Variants in PLPP7 observed in about 807,000 individuals in gnomAD.
PLPP7 encodes phospholipid phosphatase 7 (inactive), also known as inactive phospholipid phosphatase 7.
A neutral mutation model predicts 16.9 loss-of-function variants in PLPP7; 11 were observed. That is an observed-to-expected ratio of 0.65 (90% CI 0.41 to 1.08). PLPP7 has a LOEUF of 1.08. Ranked by LOEUF, PLPP7 falls within the 50% of genes least tolerant of loss-of-function variation. The probability of loss-of-function intolerance (pLI) is 0.00; values close to 1 mark genes in which losing one functional copy is unlikely to be tolerated. For missense variants in PLPP7, 358 were observed against 397.1 expected, an observed-to-expected ratio of 0.90 and a Z score of 0.84; for synonymous variants, 174 against 175.1, an observed-to-expected ratio of 0.99 and a Z score of 0.05.
chr9:131,290,104 G>A lies in PLPP7; in HGVS notation c.107G>A (p.Arg36His), dbSNP rs754595818. 13 of 1,525,602 alleles carry A rather than the reference G, an allele frequency of 8.5e-6. No individual in the cohort carries two copies. The highest frequency in any genetic ancestry group is 1.8e-4 in the Middle Eastern group (1 of 5,680). 94.5% of individuals were successfully genotyped at this position (1,525,602 alleles called of 1,614,324 possible). ...NQPPKGGPEP[R>H]SSGRKASGPS... The stretch of plus-strand genomic sequence containing the variant: ...CCCCCCAAGGGGGGCCCGGAGCCCC[G>A]CAGCTCGGGCAGAAAGGCCTCGGGC... Residue 36 changes from arginine (R) to histidine (H), a missense_variant, in exon 1 of 2, where the codon CGC (arginine) becomes CAC (histidine). Arg to His is a conservative substitution (Grantham distance 29, BLOSUM62 0). Transcript: ENST00000372264. The surrounding 1 kb of genome is among the most constrained non-coding windows in gnomAD (Gnocchi z 4.2).
Position 131,290,242 on chromosome 9 carries a change from T to A in PLPP7, c.245T>A (p.Phe82Tyr). 6.2e-7 allele frequency: 1 copy of A among 1,611,074 alleles called. No homozygotes were observed. The highest frequency in any genetic ancestry group is 1.7e-4 in the Middle Eastern group (1 of 6,056). The change falls in exon 1 of 2, where the codon TTC becomes TAC. Residue 82 changes from phenylalanine (F) to tyrosine (Y), a missense_variant. Transcript: ENST00000372264. This position sits in a 1 kb window ranked among gnomAD's most constrained non-coding sequence, Gnocchi z 4.2. ...AACCCCTCCTTCAAGGGCATCGCCT[T>A]CAACTCCCTGCTGGCCATCGATATC... is the stretch of plus-strand genomic sequence containing the variant. ...QLNPSFKGIA[F>Y]NSLLAIDICM...
rs73545991 is a variant in PLPP7 at position 131,295,212 on chromosome 9, G to C, written c.451+4764G>C. On this transcript the variant is annotated intron_variant, in intron 1 of 1. Coordinates refer to ENST00000372264, the MANE Select transcript of PLPP7 (RefSeq NM_032728.4). This position sits in a 1 kb window ranked among gnomAD's most constrained non-coding sequence, Gnocchi z 4.0. ...TCTGTCACCCAGGCTGGACTGCAGT[G>C]CTGTGATCTTGGCTCACAGCAACCT... 0.018 allele frequency among the ~76,000 whole-genome samples: 2,726 copies of C among 151,738 alleles called. 61 individuals are homozygous for C. Among genetic ancestry groups the C allele is most frequent in the African/African-American group, 0.059 (2,449 of 41,378 alleles).
At chr9:131,294,315 T>A (rs1422703609) in intron 1 of PLPP7, among the ~76,000 whole-genome samples, 1 of 152,202 alleles carries the variant, frequency 6.6e-6, no homozygotes, top group Admixed American at 6.5e-5. Context: ...ATCTCCCTGA[T>A]GAATCACACA....
Position 131,290,461 on chromosome 9 carries a change from G to C in PLPP7, c.451+13G>C. ...AATCTGCTCCTGGGTGAGTGTGCCT[G>C]CCGCCCGCCACTCACTGTCAGGCCC... On this transcript the variant is annotated intron_variant, in intron 1 of 1. Transcript: ENST00000372264. This position sits in a 1 kb window ranked among gnomAD's most constrained non-coding sequence, Gnocchi z 4.2. 6.8e-7 allele frequency: 1 copy of C among 1,465,574 alleles called. No homozygotes were observed. Among genetic ancestry groups the C allele is most frequent in the Non-Finnish European group, 9.0e-7 (1 of 1,111,332 alleles). The allele number at this position is 1,465,574 out of a possible 1,614,324, so 90.8% of individuals were successfully genotyped here.
At chr9:131,307,551 C>CAAAAAAA (rs57469502) in intron 1 of PLPP7, among the ~76,000 whole-genome samples, 20 of 60,566 alleles carry the variant, frequency 3.3e-4, no homozygotes, top group African/African-American at 1.1e-3. Context: ...AACTCTGTCT[C>CAAAAAAA]AAAAAAAAAA....
At chr9:131,305,945 TA>T (rs751943577) in intron 1 of PLPP7, among the ~76,000 whole-genome samples, 3 of 148,032 alleles carry the variant, frequency 2.0e-5, no homozygotes, top group East Asian at 2.0e-4. Flanking sequence ...ATCCGTCTCT[TA>T]AAAAAAAAAC....
rs1215910850 is a variant in PLPP7, at chr9:131,290,467, C to T, written c.451+19C>T. On this transcript the variant is annotated intron_variant, in intron 1 of 1. Transcript: ENST00000372264. The surrounding 1 kb of genome is among the most constrained non-coding windows in gnomAD (Gnocchi z 4.2). ...CTCCTGGGTGAGTGTGCCTGCCGCC[C>T]GCCACTCACTGTCAGGCCCCTCGGG... 1.1e-5 allele frequency: 16 copies of T among 1,490,536 alleles called. No individual in the cohort carries two copies. The highest frequency in any genetic ancestry group is 4.1e-5 in the Admixed American group (2 of 48,418). The allele number at this position is 1,490,536 out of a possible 1,614,324, so 92.3% of individuals were successfully genotyped here.
Position 131,289,817 on chromosome 9 carries a change from T to G in PLPP7, c.-181T>G. On this transcript the variant is annotated 5_prime_UTR_variant, in exon 1 of 2. Coordinates refer to ENST00000372264, the MANE Select transcript of PLPP7 (RefSeq NM_032728.4). Reference sequence around the variant, plus strand: ...TGCCCGGCTGGCACTGACGTCCCCTTGGAGCTGGGTGGCAGAGGAGATAAA... The same window carrying G: ...TGCCCGGCTGGCACTGACGTCCCCTGGGAGCTGGGTGGCAGAGGAGATAAA... 2.2e-6 allele frequency: 1 copy of G among 455,190 alleles called. No homozygotes were observed. The highest frequency in any genetic ancestry group is 3.6e-6 in the Non-Finnish European group (1 of 276,378). The allele number at this position is 455,190 out of a possible 1,614,324, so 28.2% of individuals were successfully genotyped here.
chr9:131,308,375 ACAGAGCGGCCAGGAGT>A lies in PLPP7; in HGVS notation c.*100_*115del. 1 of 1,462,510 alleles carries A rather than the reference ACAGAGCGGCCAGGAGT, an allele frequency of 6.8e-7. No individual in the cohort carries two copies. Among genetic ancestry groups the A allele is most frequent in the Non-Finnish European group, 9.0e-7 (1 of 1,108,560 alleles). The allele number at this position is 1,462,510 out of a possible 1,614,324, so 90.6% of individuals were successfully genotyped here. On this transcript the variant is annotated 3_prime_UTR_variant, in exon 2 of 2. Transcript: ENST00000372264. ...TGGCGAGGTGGCGGGCGTGGGTGGA[ACAGAGCGGCCAGGAGT>A]CAGAGCGGCCACCCCCACCTCATCT...
rs374862705 is a variant in PLPP7, at chr9:131,290,376, G to A, written c.379G>A (p.Gly127Arg). 76 of 1,604,106 alleles carry A rather than the reference G, an allele frequency of 4.7e-5. No homozygotes were observed. Among genetic ancestry groups the A allele is most frequent in the Non-Finnish European group, 6.0e-5 (71 of 1,175,654 alleles). ...CACGGGCCACGGCATCCCCTGGATC[G>A]GAGGCACCATCCTCTGCCTGGTGAA... ...GITGHGIPWI[G>R]GTILCLVKSS... The change falls in exon 1 of 2, where the codon GGA becomes AGA. Residue 127 changes from glycine to arginine, a missense_variant. Gly to Arg is a moderately radical substitution (Grantham distance 125). Transcript: ENST00000372264. The surrounding 1 kb of genome is among the most constrained non-coding windows in gnomAD (Gnocchi z 4.2).
intron 1 of PLPP7, among the ~76,000 whole-genome samples, chr9:131,294,045 T>C (rs2478852): frequency 0.44 from 67,521 of 151,962 alleles, 15,374 homozygotes; most frequent in East Asian, 0.57. Flanking sequence ...GGAAGGGTCC[T>C]GCTGGGCCTG....
chr9:131,291,505 A>C, intron 1 of PLPP7: 1 of 700,886 alleles, frequency 1.4e-6, no homozygotes, highest in Non-Finnish European at 1.8e-6. Flanking sequence ...AAACCATTGG[A>C]TACTTCATGC....
chr9:131,305,918 C>T (rs1172248908), intron 1 of PLPP7, among the ~76,000 whole-genome samples: 4 of 152,006 alleles, frequency 2.6e-5, no homozygotes, highest in South Asian at 4.1e-4. Context: ...TGTGACCCAC[C>T]GTGCCCAGCC....
chr9:131,297,597 G>A (rs989490941), intron 1 of PLPP7, among the ~76,000 whole-genome samples: 1 of 152,112 alleles, frequency 6.6e-6, no homozygotes, highest in Non-Finnish European at 1.5e-5. Flanking sequence ...TGTTGGCCAG[G>A]CTGGTCTCGA....
intron 1 of PLPP7, 127 bp from the exon 2 acceptor site, chr9:131,307,796 G>T: frequency 2.1e-6 from 2 of 963,160 alleles, no homozygotes; most frequent in Non-Finnish European, 3.0e-6. Context: ...CCCTGCCTGG[G>T]GGTCAGTGTG....
At chr9:131,299,669 C>T (rs563402121) in intron 1 of PLPP7, among the ~76,000 whole-genome samples, 5 of 152,250 alleles carry the variant, frequency 3.3e-5, no homozygotes, top group East Asian at 1.9e-4. Flanking sequence ...ATGGTGAGGG[C>T]GAAAAGCCAC....
intron 1 of PLPP7, among the ~76,000 whole-genome samples, chr9:131,302,071 G>A (rs1017787720): frequency 3.3e-5 from 5 of 151,954 alleles, no homozygotes; most frequent in Non-Finnish European, 5.9e-5. Flanking sequence ...CGTCCACCTC[G>A]GCCTCCCAAA....
At position 131,290,837 on chromosome 9, in the gene PLPP7, C is replaced by T. The variant is rs544430907; in HGVS notation, c.451+389C>T. 3.2e-4 allele frequency among the ~76,000 whole-genome samples: 48 copies of T among 152,266 alleles called. No homozygotes were observed. Among genetic ancestry groups the T allele is most frequent in the Non-Finnish European group, 5.9e-4 (40 of 68,012 alleles). ...GTGTCACTGTTTGACTCCTGCCCCA[C>T]GGCTGAGGTCCTCGCTCCTTGACAG... On this transcript the variant is annotated intron_variant, in intron 1 of 1. Coordinates refer to ENST00000372264, the MANE Select transcript of PLPP7 (RefSeq NM_032728.4). This position sits in a 1 kb window ranked among gnomAD's most constrained non-coding sequence, Gnocchi z 4.2.
chr9:131,293,200 G>T (rs1835701011), intron 1 of PLPP7, among the ~76,000 whole-genome samples: 1 of 151,684 alleles, frequency 6.6e-6, no homozygotes. Flanking sequence ...CCCCGTGACT[G>T]CAAACCCCCC....
Sources: gnomAD v4.1 joint callset for allele counts (sites outside exome capture counted in the v4.1 genomes callset) on GRCh38, gnomAD v4.1.1 for gene constraint, Gnocchi (gnomAD v3.1) non-coding constraint, MANE v1.5 for transcripts, NCBI Gene and HGNC (gene_info 2026-07-23, HGNC 2026-07-21) for gene names.